Variants in CIC observed in about 807,000 individuals in gnomAD.
CIC encodes the protein capicua transcriptional repressor.
In CIC, 18 loss-of-function variants were observed where a neutral mutation model predicts 115.7. That is an observed-to-expected ratio of 0.16 (90% CI 0.11 to 0.23). The LOEUF (loss-of-function observed/expected upper bound fraction) is 0.23, where lower values mean the gene tolerates loss of function less well. CIC is among the 10% of genes least tolerant of loss of function. The pLI is 1.00. For missense variants in CIC, 2,000 were observed against 2,159.3 expected (o/e 0.93, Z 1.46); for synonymous variants, 1,076 against 923.0 (o/e 1.17, Z -3.01).
In CIC at chr19:42,292,014, G is replaced by A. The variant is rs1262798780; in HGVS notation, c.5614-72G>A. On this transcript the variant is annotated intron_variant, in intron 12 of 20. Transcript: ENST00000681038. ...CTTGCTTTTGCTTAGAGTCCCACTT[G>A]AGGTCTTGGTCTTCCCCTGCCCCAG... is the stretch of plus-strand genomic sequence containing the variant. 6.9e-6 allele frequency: 11 copies of A among 1,605,646 alleles called. No individual in the cohort carries two copies. The Admixed American group carries it at 1.8e-4, about 27-fold the overall frequency.
intron 10 of CIC, 63 bp from the exon 11 acceptor site, chr19:42,290,169 TA>T (rs747291940): frequency 1.6e-5 from 26 of 1,607,502 alleles, no homozygotes; most frequent in Non-Finnish European, 2.2e-5. Context: ...TGGGCATGGC[TA>T]GGGGGCTGCT....
At chr19:42,289,470 A>C in intron 9 of CIC, 64 bp downstream of exon 9, 1 of 1,516,662 alleles carries the variant, frequency 6.6e-7, no homozygotes, top group Non-Finnish European at 9.0e-7. Flanking sequence ...GAGGGTGGGC[A>C]GAACTTGGAT....
At chr19:42,284,128 C>T (rs984031044) in intron 2 of CIC, 1 of 148,158 alleles carries the variant, frequency 6.7e-6, no homozygotes, top group Non-Finnish European at 1.5e-5. Context: ...GCACGCTGGT[C>T]CGTCTGCCCG....
Position 42,290,044 on chromosome 19 carries a change from A to AGGTC in CIC, c.4191+94_4191+97dup, listed in dbSNP as rs918426499. On this transcript the variant is annotated intron_variant, in intron 10 of 20. Transcript: ENST00000681038. The stretch of plus-strand genomic sequence containing the variant: ...CCGGGCTTGAGAGAGGGGGAGATTA[A>AGGTC]GGTCCAGAGAGGGCAAGCTGCTTGC... The AGGTC allele has an allele frequency of 3.6e-6, 5 of 1,385,558 alleles. No homozygotes were observed. The African/African-American group carries it at 5.7e-5, about 16-fold the overall frequency. 85.8% of individuals were successfully genotyped at this position (1,385,558 alleles called of 1,614,324 possible). A position where few individuals can be genotyped will look rare whatever the true frequency, so the allele number is the denominator to read the frequency against.
rs1343658190 is a variant in CIC, at chr19:42,295,674, T to G, written c.*483T>G. The G allele has an allele frequency of 4.3e-6, 1 of 232,862 alleles. No homozygotes were observed. The highest frequency in any genetic ancestry group is 8.5e-6 in the Non-Finnish European group (1 of 117,808). The allele number at this position is 232,862 out of a possible 1,614,324, so 14.4% of individuals were successfully genotyped here. ...TCTGCCCTCCCAACTTGGGTTGTAC[T>G]TTCTAAGAAGGTGATTCCCCCTGCC... On this transcript the variant is annotated 3_prime_UTR_variant, in exon 21 of 21. Transcript: ENST00000681038.
In CIC at chr19:42,273,592, G is replaced by A. The variant is rs1008873886; in HGVS notation, c.1809G>A (p.Leu603=). 1 of 398,404 alleles carries A rather than the reference G, an allele frequency of 2.5e-6. No individual in the cohort carries two copies. Among genetic ancestry groups the A allele is most frequent in the African/African-American group, 2.1e-5 (1 of 48,578 alleles). The allele number at this position is 398,404 out of a possible 1,614,324, so 24.7% of individuals were successfully genotyped here. A position where few individuals can be genotyped will look rare whatever the true frequency, so the allele number is the denominator to read the frequency against. The change falls in exon 2 of 21, where the codon CTG becomes CTA. Residue 603 remains leucine, a synonymous_variant. Transcript: ENST00000681038. ...ACGAGTGTGAGGCGGCCGTGATGCTGGTGTCGCTGGGCAGCTCGCGCTCAG... is the reference window on the plus strand; with the variant it reads ...ACGAGTGTGAGGCGGCCGTGATGCTAGTGTCGCTGGGCAGCTCGCGCTCAG... ...EFDECEAAVM[L]VSLGSSRSGT...
In CIC at chr19:42,294,612, G is replaced by A. The variant is rs1328121676; in HGVS notation, c.7063G>A (p.Ala2355Thr). ...IFTFDRTGTE[A>T]EDVLGELEYD... Reference sequence around the variant, plus strand: ...GCCTGTGCCCTGCACAGGTACAGAAGCCGAGGACGTGCTTGGGGAGCTAGA... The same window carrying A: ...GCCTGTGCCCTGCACAGGTACAGAAACCGAGGACGTGCTTGGGGAGCTAGA... Residue 2355 changes from alanine (A) to threonine (T), a missense_variant, in exon 20 of 21, where the codon GCC becomes ACC. Physicochemically the swap from Ala to Thr is moderately conservative, Grantham distance 58. Around this residue, in one of 8 missense-constraint regions of CIC, gnomAD observed 99 missense variants for 217.6 expected, o/e 0.45. Coordinates refer to ENST00000681038, the MANE Select transcript of CIC (RefSeq NM_001386298.1). 1.9e-6 allele frequency: 3 copies of A among 1,613,534 alleles called. No individual in the cohort carries two copies. The highest frequency in any genetic ancestry group is 1.7e-5 in the Admixed American group (1 of 60,018).
At chr19:42,284,659 C>T (rs1478316669) in intron 2 of CIC, 1 of 1,468,140 alleles carries the variant, frequency 6.8e-7, no homozygotes. Context: ...CGGCGTCGGC[C>T]GCTGAGGAGG....
rs1212510358 is a variant in CIC at position 42,289,291 on chromosome 19, G to C, written c.3972G>C (p.Arg1324=). 1 of 1,613,736 alleles carries C rather than the reference G, an allele frequency of 6.2e-7. No homozygotes were observed. The stretch of plus-strand genomic sequence containing the variant: ...GAGGTGCCTTGGCGGCCACTGGGCG[G>C]CCCCCGCTGCTGCCCACCCGAGCTT... ...GEGGALAATG[R]PPLLPTRASR... Residue 1324 remains arginine, a synonymous_variant, in exon 9 of 21, where the codon CGG becomes CGC. Transcript: ENST00000681038.
At position 42,291,462 on chromosome 19, in the gene CIC, C is replaced by G. The variant is rs1568518635; in HGVS notation, c.5421C>G (p.Pro1807=). The G allele has an allele frequency of 1.9e-6, 3 of 1,613,142 alleles. No individual in the cohort carries two copies. Among genetic ancestry groups the G allele is most frequent in the Non-Finnish European group, 1.7e-6 (2 of 1,179,994 alleles). ...ILQSVPSAPP[P]KAQSVSPVQA... ...AGTCTGTACCCTCCGCCCCACCCCC[C>G]AAAGGTGAGACCTGGGCCGGGCAGC... Residue 1807 remains proline (P), a synonymous_variant, in exon 11 of 21, where the codon CCC becomes CCG. Transcript: ENST00000681038.
intron 2 of CIC, chr19:42,284,711 T>G (rs1248999984): frequency 1.3e-6 from 2 of 1,551,074 alleles, no homozygotes; most frequent in African/African-American, 2.7e-5. Flanking sequence ...GACCATGTAT[T>G]CGGCCCACAG....
In CIC at chr19:42,292,639, C is replaced by G. The variant is rs1169887744; in HGVS notation, c.5976C>G (p.Ala1992=). ...SPVPSPQLPP[A]CAAPGGPVIT... is the part of the protein sequence containing the mutation. ...TGCCCAGTCCCCAGCTGCCGCCTGC[C>G]TGTGCAGCCCCCGGAGGTCCTGTCA... Residue 1992 remains alanine, a synonymous_variant, in exon 15 of 21, where the codon GCC becomes GCG. Coordinates refer to ENST00000681038, the MANE Select transcript of CIC (RefSeq NM_001386298.1). The G allele has an allele frequency of 1.9e-6, 3 of 1,613,778 alleles. No homozygotes were observed. Among genetic ancestry groups the G allele is most frequent in the Non-Finnish European group, 2.5e-6 (3 of 1,179,966 alleles).
rs371636160 is a variant in CIC at position 42,281,667 on chromosome 19, T to C, written c.2795-5104T>C. Among the ~76,000 whole-genome samples the C allele has an allele frequency of 3.9e-5, 6 of 152,070 alleles. No homozygotes were observed. The South Asian group carries it at 8.3e-4, about 21-fold the overall frequency. On this transcript the variant is annotated intron_variant, in intron 2 of 20. Coordinates refer to ENST00000681038, the MANE Select transcript of CIC (RefSeq NM_001386298.1). The stretch of plus-strand genomic sequence containing the variant: ...CCCAGGGTTCCTCCACCCTGAACAA[T>C]AGAAGCTAAGTATAGGGCTGGCCCA...
chr19:42,275,380 G>A (rs1186757090), intron 2 of CIC, among the ~76,000 whole-genome samples: 2 of 152,224 alleles, frequency 1.3e-5, no homozygotes, highest in East Asian at 1.9e-4. Flanking sequence ...AGGACAGGGC[G>A]TGTAAGCCAG....
At chr19:42,278,572 G>A (rs1213739111) in intron 2 of CIC, among the ~76,000 whole-genome samples, 1 of 152,034 alleles carries the variant, frequency 6.6e-6, no homozygotes, top group African/African-American at 2.4e-5. Flanking sequence ...TTTCTGTTTT[G>A]GCTGCCAGCT....
In CIC at chr19:42,287,175, G is replaced by T. The variant is rs2147182740; in HGVS notation, c.3114G>T (p.Glu1038Asp). ...AGGGTCCGCCTCCCACCACGGAGGA[G>T]GAGGCCTCCGGCCCCCCAGGAGAGC... ...SGKGPPPTTEEEASGPPGEPR... is the reference protein window; with the variant it reads ...SGKGPPPTTEDEASGPPGEPR... Residue 1038 changes from glutamate (E) to aspartate (D), a missense_variant, in exon 4 of 21, where the codon GAG (glutamate) becomes GAT (aspartate). Transcript: ENST00000681038. This position sits in a 1 kb window ranked among gnomAD's most constrained non-coding sequence, Gnocchi z 8.7. 1.2e-6 allele frequency: 2 copies of T among 1,613,554 alleles called. No homozygotes were observed. The highest frequency in any genetic ancestry group is 1.7e-6 in the Non-Finnish European group (2 of 1,179,892).
intron 2 of CIC, 138 bp from the exon 3 acceptor site, chr19:42,286,633 G>T (rs945075204): frequency 9.8e-6 from 10 of 1,023,728 alleles, no homozygotes; most frequent in Non-Finnish European, 1.5e-5. Context: ...TTGCATGGAC[G>T]AGTCCAAGAG....
intron 2 of CIC, among the ~76,000 whole-genome samples, chr19:42,275,669 A>G (rs1470043394): frequency 1.3e-5 from 2 of 152,038 alleles, no homozygotes; most frequent in African/African-American, 4.8e-5. Context: ...TTATTTGTTT[A>G]TTTATGTATA....
intron 2 of CIC, among the ~76,000 whole-genome samples, chr19:42,278,053 T>A (rs1480205435): frequency 6.6e-6 from 1 of 152,202 alleles, no homozygotes; most frequent in East Asian, 1.9e-4. Context: ...GCAGCAGGTG[T>A]GAGGGGGCGG....
Sources: gnomAD v4.1 joint callset for allele counts (sites outside exome capture counted in the v4.1 genomes callset) on GRCh38, gnomAD v4.1.1 for gene constraint, gnomAD v4.1.1 regional missense constraint, Gnocchi (gnomAD v3.1) non-coding constraint, MANE v1.5 for transcripts, NCBI Gene and HGNC (gene_info 2026-07-23, HGNC 2026-07-21) for gene names.